CFAP418: variants seen among roughly 807,000 people sequenced by gnomAD.
CFAP418 encodes cilia- and flagella-associated protein 418.
A neutral mutation model predicts 24.7 loss-of-function variants in CFAP418; 27 were observed. The observed-to-expected ratio is 1.09, with a 90% CI of 0.81 to 1.51. The LOEUF is 1.51. Ranked by LOEUF, CFAP418 falls within the 40% of genes most tolerant of loss-of-function variation. The pLI, the probability that CFAP418 is intolerant of heterozygous loss-of-function variation, is 0.00. For missense variants in CFAP418, 257 were observed against 255.2 expected, an observed-to-expected ratio of 1.01 and a Z score of -0.05; for synonymous variants, 74 against 87.3, an observed-to-expected ratio of 0.85 and a Z score of 0.85.
chr8:95,250,196 C>T (rs1419762666), intron 5 of CFAP418, among the ~76,000 whole-genome samples: 5 of 152,154 alleles, frequency 3.3e-5, no homozygotes, highest in Admixed American at 6.5e-5. Context: ...GTGGAGACCG[C>T]CTTATTCTTT....
chr8:95,262,819 CCT>C (rs1386533043), intron 2 of CFAP418, among the ~76,000 whole-genome samples: 1 of 151,944 alleles, frequency 6.6e-6, no homozygotes, highest in Non-Finnish European at 1.5e-5. Flanking sequence ...ACTGGTTTTC[CCT>C]GTGTACATGT....
chr8:95,250,167 A>G (rs1305771453), intron 5 of CFAP418, among the ~76,000 whole-genome samples: 1 of 152,198 alleles, frequency 6.6e-6, no homozygotes, highest in African/African-American at 2.4e-5. Context: ...TAAATCTATC[A>G]GTGATTTATA....
chr8:95,254,736 T>C (rs1414213225), intron 4 of CFAP418, among the ~76,000 whole-genome samples: 1 of 152,212 alleles, frequency 6.6e-6, no homozygotes, highest in Admixed American at 6.5e-5. Flanking sequence ...TCTGGATAGT[T>C]TGAAGATAAC....
rs575639359 is a variant in CFAP418 at position 95,261,079 on chromosome 8, G to A, written c.244-547C>T. On this transcript the variant is annotated intron_variant, in intron 2 of 5. Coordinates refer to ENST00000286688, the MANE Select transcript of CFAP418 (RefSeq NM_177965.4). ...ACAACCATACAGTAGTTCCTATATGGTTACATAGTATCATCATCATTAGCA... is the reference window on the plus strand; with the variant it reads ...ACAACCATACAGTAGTTCCTATATGATTACATAGTATCATCATCATTAGCA... 3.9e-5 allele frequency among the ~76,000 whole-genome samples: 6 copies of A among 152,248 alleles called. No homozygotes were observed. In the East Asian group the frequency reaches 7.7e-4, roughly 20 times the overall value.
At chr8:95,257,811 G>A (rs1811815367) in intron 4 of CFAP418, among the ~76,000 whole-genome samples, 1 of 152,056 alleles carries the variant, frequency 6.6e-6, no homozygotes, top group Non-Finnish European at 1.5e-5. Flanking sequence ...CTTTTACTAT[G>A]CTATACTTTG....
At chr8:95,248,779 G>C (rs73695437) in intron 5 of CFAP418, among the ~76,000 whole-genome samples, 3,484 of 152,170 alleles carry the variant, frequency 0.023, 65 homozygotes, top group African/African-American at 0.025. Context: ...AAAATACAAA[G>C]TGAAAGGACG....
Position 95,247,649 on chromosome 8 carries a change from G to T in CFAP418, c.592C>A (p.His198Asn). 1.9e-6 allele frequency: 3 copies of T among 1,614,212 alleles called. No individual in the cohort carries two copies. Among genetic ancestry groups the T allele is most frequent in the South Asian group, 2.2e-5 (2 of 91,086 alleles). ...TTACCACAAACCCAGCGAAGCTGATGATCTGTCTGAAGGTCAGTCACTTCT... is the reference window on the plus strand; with the variant it reads ...TTACCACAAACCCAGCGAAGCTGATTATCTGTCTGAAGGTCAGTCACTTCT... Reference protein sequence around the residue: ...IEEVTDLQTDHQLRWVCGKH With the variant: ...IEEVTDLQTDNQLRWVCGKH Residue 198 changes from histidine to asparagine, a missense_variant, in exon 6 of 6, where the codon CAT becomes AAT. His to Asn is a moderately conservative substitution (Grantham distance 68, BLOSUM62 1). Transcript: ENST00000286688.
chr8:95,252,087 G>A, intron 5 of CFAP418, 101 bp downstream of exon 5: 4 of 818,594 alleles, frequency 4.9e-6, no homozygotes, highest in Non-Finnish European at 8.2e-6. Flanking sequence ...AAGAGGTGAA[G>A]CCCACAAGAT....
chr8:95,247,859 C>T (rs530711554), intron 5 of CFAP418, 89 bp from the exon 6 acceptor site: 62 of 1,345,476 alleles, frequency 4.6e-5, no homozygotes, highest in Non-Finnish European at 6.0e-5. Flanking sequence ...GCTTTCTTTT[C>T]TTTTCTTTTT....
At chr8:95,256,396 G>A (rs1056516036) in intron 4 of CFAP418, among the ~76,000 whole-genome samples, 3 of 152,194 alleles carry the variant, frequency 2.0e-5, no homozygotes, top group Non-Finnish European at 4.4e-5. Flanking sequence ...CAGTGTGCCT[G>A]CAGTACCTAG....
chr8:95,254,396 T>C (rs1370024461), intron 4 of CFAP418, among the ~76,000 whole-genome samples: 2 of 152,234 alleles, frequency 1.3e-5, no homozygotes, highest in Admixed American at 6.5e-5. Context: ...ATTTCCTTTA[T>C]GCCCTGGCCA....
intron 2 of CFAP418, among the ~76,000 whole-genome samples, chr8:95,261,624 T>C (rs570523656): frequency 5.3e-5 from 8 of 152,296 alleles, no homozygotes; most frequent in Middle Eastern, 3.4e-3. Flanking sequence ...TGTTTTTTTT[T>C]CCCAATAAAT....
intron 4 of CFAP418, among the ~76,000 whole-genome samples, chr8:95,254,265 T>G (rs1811753667): frequency 6.6e-6 from 1 of 152,214 alleles, no homozygotes; most frequent in African/African-American, 2.4e-5. Context: ...TACTATTCTC[T>G]CCCCTTTTCC....
intron 5 of CFAP418, among the ~76,000 whole-genome samples, chr8:95,251,377 A>C (rs895820542): frequency 6.6e-6 from 1 of 152,224 alleles, no homozygotes. Context: ...GAGGTTGTAC[A>C]AAGTCAGAGG....
Position 95,244,979 on chromosome 8 carries a change from T to G in CFAP418, c.*2638A>C, listed in dbSNP as rs2132149408. On this transcript the variant is annotated 3_prime_UTR_variant, in exon 6 of 6. Coordinates refer to ENST00000286688, the MANE Select transcript of CFAP418 (RefSeq NM_177965.4). ...AAGTAAATAATACAGAGTAATTATT[T>G]ATTACTTATTCATTTCTAGGCAGGA... The G allele has an allele frequency of 6.6e-6, 1 of 152,284 alleles. No individual in the cohort carries two copies. The highest frequency in any genetic ancestry group is 2.1e-4 in the South Asian group (1 of 4,828). 9.4% of individuals were successfully genotyped at this position (152,284 alleles called of 1,614,324 possible).
At chr8:95,257,323 A>G (rs1406310707) in intron 4 of CFAP418, among the ~76,000 whole-genome samples, 1 of 152,170 alleles carries the variant, frequency 6.6e-6, no homozygotes, top group Non-Finnish European at 1.5e-5. Flanking sequence ...TTCAATTACT[A>G]TTAATTCTTC....
rs561433248 is a variant in CFAP418, at chr8:95,260,856, C to T, written c.244-324G>A. ...CAGTTCAATGATTTAATATGAAGGA[C>T]CTGCTATTTAAAACTTCATTCTAGA... On this transcript the variant is annotated intron_variant, in intron 2 of 5. Coordinates refer to ENST00000286688, the MANE Select transcript of CFAP418 (RefSeq NM_177965.4). 4.6e-5 allele frequency among the ~76,000 whole-genome samples: 7 copies of T among 152,178 alleles called. No homozygotes were observed. The South Asian group carries it at 1.5e-3, about 32-fold the overall frequency.
chr8:95,261,079 G>GT (rs998797837), intron 2 of CFAP418, among the ~76,000 whole-genome samples: 3 of 152,130 alleles, frequency 2.0e-5, no homozygotes, highest in African/African-American at 7.2e-5. Flanking sequence ...TTCCTATATG[G>GT]TTACATAGTA....
intron 2 of CFAP418, 81 bp downstream of exon 2, chr8:95,263,606 A>T: frequency 1.2e-6 from 1 of 806,930 alleles, no homozygotes; most frequent in Non-Finnish European, 2.1e-6. Flanking sequence ...ATGGGTAGCT[A>T]CTTGTGTCAT....
Sources: gnomAD v4.1 joint callset for allele counts (sites outside exome capture counted in the v4.1 genomes callset) on GRCh38, gnomAD v4.1.1 for gene constraint, MANE v1.5 for transcripts, NCBI Gene and HGNC (gene_info 2026-07-23, HGNC 2026-07-21) for gene names.